Variants in NRXN3 observed in about 807,000 individuals in gnomAD.
The protein encoded by NRXN3 is neurexin 3, also known as neurexin III.
A neutral mutation model predicts 137.6 loss-of-function variants in NRXN3; 32 were observed. The ratio of observed to expected loss-of-function variants is 0.23; its 90% CI spans 0.18 to 0.31. The LOEUF (loss-of-function observed/expected upper bound fraction) is 0.31. Among genes scored for constraint, NRXN3 ranks in the 10% least tolerant of loss-of-function variants. The probability of loss-of-function intolerance (pLI) is 1.00; values close to 1 mark genes in which losing one functional copy is unlikely to be tolerated. For missense variants in NRXN3, 1,574 were observed against 2,062.5 expected (o/e 0.76, Z 4.59); for synonymous variants, 798 against 784.5 (o/e 1.02, Z -0.29).
At position 78,709,552 on chromosome 14, in the gene NRXN3, G is replaced by T; in HGVS notation, c.1557G>T (p.Leu519Phe). ...AVELLDGNLY[L>F]LLDMGSGTIK... ...AACTCCTCGATGGCAACCTGTACTT[G>T]CTGCTTGACATGGGCTCTGGCACCA... Residue 519 changes from leucine (L) to phenylalanine (F), a missense_variant, in exon 7 of 21, where the codon TTG (leucine) becomes TTT (phenylalanine). Around this residue, in one of 5 missense-constraint regions of NRXN3, gnomAD observed 718 missense variants for 887.6 expected, o/e 0.81. Coordinates refer to ENST00000335750, the MANE Select transcript of NRXN3 (RefSeq NM_001330195.2). 1.2e-6 allele frequency: 2 copies of T among 1,614,042 alleles called. No homozygotes were observed. Among genetic ancestry groups the T allele is most frequent in the Admixed American group, 1.7e-5 (1 of 60,018 alleles).
intron 4 of NRXN3, among the ~76,000 whole-genome samples, chr14:78,407,474 A>G (rs999053271): frequency 3.9e-5 from 6 of 152,074 alleles, no homozygotes; most frequent in Non-Finnish European, 1.5e-5. Flanking sequence ...TTGGAAGGCC[A>G]TTTTTTTCCT....
At chr14:78,600,597 G>T (rs978711965) in intron 4 of NRXN3, among the ~76,000 whole-genome samples, 4 of 152,200 alleles carry the variant, frequency 2.6e-5, no homozygotes, top group East Asian at 1.9e-4. Context: ...GCTCCTGAAG[G>T]TTCTGTCCTT....
At chr14:78,731,647 GTATTC>G (rs1034961533) in intron 8 of NRXN3, among the ~76,000 whole-genome samples, 9 of 150,614 alleles carry the variant, frequency 6.0e-5, no homozygotes, top group African/African-American at 2.2e-4. Context: ...GTGTGTGTGT[GTATTC>G]TATTCTTGAA....
intron 4 of NRXN3, among the ~76,000 whole-genome samples, chr14:78,481,010 G>A (rs1310315395): frequency 2.0e-5 from 3 of 152,158 alleles, no homozygotes; most frequent in Non-Finnish European, 4.4e-5. Context: ...AAGGGAAGGG[G>A]TGGTCACTGT....
intron 10 of NRXN3, among the ~76,000 whole-genome samples, chr14:78,816,681 A>C (rs1018781920): frequency 2.6e-5 from 4 of 152,156 alleles, no homozygotes; most frequent in Middle Eastern, 3.2e-3. Context: ...TAAAAGTAGA[A>C]CTGCTGAGTC....
rs1413833582 is a variant in NRXN3, at chr14:78,278,717, G to T, written c.727+55G>T. ...GGGAATTTCCCCTCTGCTAGATTGT[G>T]CATGGTTTGAGTCTGAGTGAGACTT... On this transcript the variant is annotated intron_variant, in intron 3 of 20. Coordinates refer to ENST00000335750, the MANE Select transcript of NRXN3 (RefSeq NM_001330195.2). 3 of 1,469,914 alleles carry T rather than the reference G, an allele frequency of 2.0e-6. No individual in the cohort carries two copies. In the Admixed American group the frequency reaches 5.9e-5, roughly 29 times the overall value. The allele number at this position is 1,469,914 out of a possible 1,614,324, so 91.1% of individuals were successfully genotyped here.
intron 10 of NRXN3, among the ~76,000 whole-genome samples, chr14:78,877,865 C>G (rs536031326): frequency 7.9e-5 from 12 of 152,072 alleles, no homozygotes; most frequent in Middle Eastern, 3.4e-3. Flanking sequence ...ATGTTGGATT[C>G]GAGGAATTTA....
chr14:79,027,513 A>G (rs1194258560), intron 15 of NRXN3, among the ~76,000 whole-genome samples: 1 of 152,178 alleles, frequency 6.6e-6, no homozygotes, highest in Non-Finnish European at 1.5e-5. Context: ...TTATAATGCC[A>G]GTGCAGGTTA....
chr14:79,839,682 A>C (rs1167057078), intron 20 of NRXN3, among the ~76,000 whole-genome samples: 3 of 152,050 alleles, frequency 2.0e-5, no homozygotes, highest in Non-Finnish European at 4.4e-5. Context: ...TTTGTTGCTT[A>C]TGCCTTTAAG....
intron 15 of NRXN3, among the ~76,000 whole-genome samples, chr14:79,287,551 C>T (rs1363849037): frequency 6.6e-6 from 1 of 152,094 alleles, no homozygotes; most frequent in Non-Finnish European, 1.5e-5. Context: ...GGACAACTAC[C>T]TTCAGATGTG....
At chr14:79,724,845 A>C (rs1180716538) in intron 19 of NRXN3, among the ~76,000 whole-genome samples, 2 of 152,172 alleles carry the variant, frequency 1.3e-5, no homozygotes, top group Non-Finnish European at 2.9e-5. Flanking sequence ...ATCTAGTAAT[A>C]GACTAACACA....
At chr14:78,609,775 C>G (rs1323629829) in intron 4 of NRXN3, among the ~76,000 whole-genome samples, 1 of 152,138 alleles carries the variant, frequency 6.6e-6, no homozygotes, top group Non-Finnish European at 1.5e-5. Flanking sequence ...TAAAAGCCAG[C>G]AAAAGTATGC....
At position 78,280,574 on chromosome 14, in the gene NRXN3, T is replaced by C. The variant is rs1299952385; in HGVS notation, c.727+1912T>C. Among the ~76,000 whole-genome samples the C allele has an allele frequency of 5.9e-5, 9 of 152,118 alleles. No individual in the cohort carries two copies. In the East Asian group the frequency reaches 9.7e-4, roughly 16 times the overall value. On this transcript the variant is annotated intron_variant, in intron 3 of 20. Transcript: ENST00000335750. Reference sequence around the variant, plus strand: ...AGAGAAGTGACCAGGGGTCACCACATAGAGCTGGGCCCTGCATAGGGTCTC... The same window carrying C: ...AGAGAAGTGACCAGGGGTCACCACACAGAGCTGGGCCCTGCATAGGGTCTC...
chr14:79,040,888 T>G (rs574558514), intron 15 of NRXN3, among the ~76,000 whole-genome samples: 26 of 152,140 alleles, frequency 1.7e-4, no homozygotes, highest in Non-Finnish European at 3.4e-4. Context: ...TGCAGGCATG[T>G]CTGGGCAAGT....
At chr14:78,356,343 A>G (rs1287110713) in intron 4 of NRXN3, among the ~76,000 whole-genome samples, 1 of 152,270 alleles carries the variant, frequency 6.6e-6, no homozygotes, top group African/African-American at 2.4e-5. Flanking sequence ...TGGGCAAGTC[A>G]GGAATAGATA....
intron 19 of NRXN3, among the ~76,000 whole-genome samples, chr14:79,731,893 A>G (rs2098924983): frequency 6.7e-6 from 1 of 149,870 alleles, no homozygotes; most frequent in South Asian, 2.1e-4. Context: ...GATTTCACTT[A>G]CTGTAGCCAG....
intron 1 of NRXN3, among the ~76,000 whole-genome samples, chr14:78,181,066 A>G (rs950324940): frequency 2.0e-5 from 3 of 152,216 alleles, no homozygotes; most frequent in Admixed American, 1.3e-4. Context: ...TCTCCTGCAA[A>G]GCAGGTGTTG....
chr14:78,225,983 GTGT>G (rs1567013742), intron 1 of NRXN3, among the ~76,000 whole-genome samples: 22 of 130,198 alleles, frequency 1.7e-4, no homozygotes, highest in African/African-American at 7.3e-4. Context: ...TGGTGTGTGT[GTGT>G]GTGTGTGTGT....
In NRXN3 at chr14:78,466,010, C is replaced by T. The variant is rs540139847; in HGVS notation, c.757+168150C>T. Among the ~76,000 whole-genome samples the T allele has an allele frequency of 2.0e-5, 3 of 151,536 alleles. No homozygotes were observed. In the South Asian group the frequency reaches 6.3e-4, roughly 32 times the overall value. ...GGGACTACAGATGTCCACCACCACG[C>T]CCGGCTAATTTTTTTTGTATTTTTA... is the stretch of plus-strand genomic sequence containing the variant. On this transcript the variant is annotated intron_variant, in intron 4 of 20. Coordinates refer to ENST00000335750, the MANE Select transcript of NRXN3 (RefSeq NM_001330195.2).
Sources: gnomAD v4.1 joint callset for allele counts (sites outside exome capture counted in the v4.1 genomes callset) on GRCh38, gnomAD v4.1.1 for gene constraint, gnomAD v4.1.1 regional missense constraint, MANE v1.5 for transcripts, NCBI Gene and HGNC (gene_info 2026-07-23, HGNC 2026-07-21) for gene names.